Variants in MTA3 observed in about 807,000 individuals in gnomAD.
MTA3 encodes metastasis-associated protein MTA3.
MTA3 carries 34 observed loss-of-function variants against 83.5 expected under a neutral mutation model. That is an observed-to-expected ratio of 0.41 (90% CI 0.31 to 0.54). MTA3 has a LOEUF of 0.54. MTA3 is among the 20% of genes least tolerant of loss of function. The pLI is 0.33. For missense variants in MTA3, 761 were observed against 726.4 expected, an observed-to-expected ratio of 1.05 and a Z score of -0.55; for synonymous variants, 303 against 252.7, an observed-to-expected ratio of 1.20 and a Z score of -1.89.
intron 9 of MTA3, among the ~76,000 whole-genome samples, chr2:42,688,787 T>A (rs932950095): frequency 2.6e-5 from 4 of 152,094 alleles, no homozygotes; most frequent in Non-Finnish European, 5.9e-5. Context: ...TGTTTTTATT[T>A]CCCATCTGAA....
intron 2 of MTA3, among the ~76,000 whole-genome samples, chr2:42,547,444 C>T (rs964754948): frequency 6.6e-6 from 1 of 152,286 alleles, no homozygotes; most frequent in African/African-American, 2.4e-5. Context: ...TCTCGTGCCT[C>T]AGCCTCGTAA....
At chr2:42,541,389 G>A (rs561711995) in intron 2 of MTA3, among the ~76,000 whole-genome samples, 1 of 152,288 alleles carries the variant, frequency 6.6e-6, no homozygotes, top group Admixed American at 6.5e-5. Context: ...GTGATGATGG[G>A]CAGTGGCAGG....
In MTA3 at chr2:42,714,542, C is replaced by T. The variant is rs781299903; in HGVS notation, c.1526-4446C>T. On this transcript the variant is annotated intron_variant, in intron 14 of 16. Transcript: ENST00000405094. ...TGTGTGTATATTGCAGGGTTTCCAT[C>T]TCACTGCCCCCAGTATTTCCAAAAC... 6.6e-5 allele frequency among the ~76,000 whole-genome samples: 10 copies of T among 152,142 alleles called. 1 individual carries two copies. Among genetic ancestry groups the T allele is most frequent in the Admixed American group, 2.0e-4 (3 of 15,276 alleles).
At chr2:42,686,837 G>A (rs886695635) in intron 9 of MTA3, among the ~76,000 whole-genome samples, 2 of 149,560 alleles carry the variant, frequency 1.3e-5, no homozygotes, top group African/African-American at 2.5e-5. Context: ...AAAAAAAAAG[G>A]GCTGGGCATT....
chr2:42,499,574 G>A (rs1021842647), intron 2 of MTA3, among the ~76,000 whole-genome samples: 4 of 149,690 alleles, frequency 2.7e-5, no homozygotes, highest in African/African-American at 9.8e-5. Flanking sequence ...GGCAGATCAC[G>A]AGATCAGGAG....
chr2:42,586,682 AG>A, intron 3 of MTA3, among the ~76,000 whole-genome samples: 1 of 152,110 alleles, frequency 6.6e-6, no homozygotes, highest in Admixed American at 6.6e-5. Flanking sequence ...CGAGACGGGT[AG>A]ATCACTTGAG....
At chr2:42,600,562 GA>G (rs1198532898) in intron 3 of MTA3, among the ~76,000 whole-genome samples, 1 of 149,938 alleles carries the variant, frequency 6.7e-6, no homozygotes, top group Non-Finnish European at 1.5e-5. Context: ...TTTGTTTTGA[GA>G]CCGAGTCTTG....
At chr2:42,669,901 T>G (rs1690640850) in intron 8 of MTA3, among the ~76,000 whole-genome samples, 1 of 152,204 alleles carries the variant, frequency 6.6e-6, no homozygotes, top group African/African-American at 2.4e-5. Flanking sequence ...TTTTAGCAAC[T>G]TTGTCTAGGA....
At chr2:42,512,094 G>A (rs901351154) in intron 2 of MTA3, among the ~76,000 whole-genome samples, 1 of 150,822 alleles carries the variant, frequency 6.6e-6, no homozygotes, top group Admixed American at 6.6e-5. Flanking sequence ...GAGAAGTATA[G>A]CAATCTGGAA....
At position 42,715,732 on chromosome 2, in the gene MTA3, C is replaced by G. The variant is rs143197585; in HGVS notation, c.1526-3256C>G. Among the ~76,000 whole-genome samples, 25 of 152,070 alleles carry G rather than the reference C, an allele frequency of 1.6e-4. No homozygotes were observed. In the East Asian group the frequency reaches 1.7e-3, roughly 11 times the overall value. On this transcript the variant is annotated intron_variant, in intron 14 of 16. Coordinates refer to ENST00000405094, the MANE Select transcript of MTA3 (RefSeq NM_001330442.2). ...TATCTTTGGGTATTGTGTTGGTGACCTCTTTGATGGATTTGTTGATGATAG... is the reference window on the plus strand; with the variant it reads ...TATCTTTGGGTATTGTGTTGGTGACGTCTTTGATGGATTTGTTGATGATAG...
chr2:42,557,429 A>G (rs1210382218), intron 2 of MTA3, among the ~76,000 whole-genome samples: 1 of 152,196 alleles, frequency 6.6e-6, no homozygotes, highest in African/African-American at 2.4e-5. Context: ...ACAGAAAGGA[A>G]CCAATGACAG....
At chr2:42,637,323 T>C (rs1411417131) in intron 4 of MTA3, among the ~76,000 whole-genome samples, 1 of 152,228 alleles carries the variant, frequency 6.6e-6, no homozygotes, top group Admixed American at 6.5e-5. Flanking sequence ...CTTGGGCATC[T>C]TTATTATTTA....
chr2:42,692,544 C>T (rs1301946585), intron 9 of MTA3, among the ~76,000 whole-genome samples: 4 of 151,902 alleles, frequency 2.6e-5, no homozygotes. Flanking sequence ...CGTGCCTCAG[C>T]CTCCCAAGTA....
intron 2 of MTA3, among the ~76,000 whole-genome samples, chr2:42,505,358 C>T (rs527323705): frequency 6.6e-6 from 1 of 152,222 alleles, no homozygotes; most frequent in Non-Finnish European, 1.5e-5. Context: ...TGCCACTGCA[C>T]TCCAGCCTAG....
intron 2 of MTA3, among the ~76,000 whole-genome samples, chr2:42,506,065 C>G (rs926527168): frequency 6.6e-6 from 1 of 152,016 alleles, no homozygotes; most frequent in Non-Finnish European, 1.5e-5. Context: ...ACACCCAGCC[C>G]CCTCAAATTG....
intron 4 of MTA3, among the ~76,000 whole-genome samples, chr2:42,621,696 G>GT: frequency 4.3e-4 from 1 of 2,320 alleles, no homozygotes; most frequent in East Asian, 0.013. Context: ...TCACTTCCCA[G>GT]ACGGGCGGCT....
chr2:42,680,542 C>A (rs1691784177), intron 8 of MTA3, among the ~76,000 whole-genome samples: 1 of 152,124 alleles, frequency 6.6e-6, no homozygotes, highest in African/African-American at 2.4e-5. Flanking sequence ...GGGAGAAAAA[C>A]AGAACTAGTT....
intron 2 of MTA3, among the ~76,000 whole-genome samples, chr2:42,509,078 T>C (rs984006665): frequency 2.3e-4 from 35 of 151,998 alleles, no homozygotes; most frequent in Non-Finnish European, 3.8e-4. Flanking sequence ...AGTCTTGCTC[T>C]GTCGCCCAGG....
chr2:42,718,222 T>G (rs1421652937), intron 14 of MTA3, among the ~76,000 whole-genome samples: 2 of 151,946 alleles, frequency 1.3e-5, no homozygotes, highest in Non-Finnish European at 2.9e-5. Context: ...GAGTGCTGTC[T>G]GTATTCTCTT....
Sources: gnomAD v4.1 joint callset for allele counts (sites outside exome capture counted in the v4.1 genomes callset) on GRCh38, gnomAD v4.1.1 for gene constraint, MANE v1.5 for transcripts, NCBI Gene and HGNC (gene_info 2026-07-23, HGNC 2026-07-21) for gene names.